PRDM16: variants seen among roughly 807,000 people sequenced by gnomAD.
The protein encoded by PRDM16 is histone-lysine N-methyltransferase PRDM16.
In PRDM16, 23 loss-of-function variants were observed where a neutral mutation model predicts 110.6. The observed-to-expected ratio is 0.21, with a 90% CI of 0.15 to 0.29. The LOEUF (loss-of-function observed/expected upper bound fraction) is 0.29, where lower values mean the gene tolerates loss of function less well. PRDM16 is among the 10% of genes least tolerant of loss of function. The pLI is 1.00. For missense variants in PRDM16, 1,615 were observed against 1,794.3 expected, an observed-to-expected ratio of 0.90 and a Z score of 1.81; for synonymous variants, 799 against 781.8, an observed-to-expected ratio of 1.02 and a Z score of -0.37.
intron 6 of PRDM16, 100 bp from the exon 7 acceptor site, chr1:3,404,639 G>A (rs1557655927): frequency 7.0e-7 from 1 of 1,425,162 alleles, no homozygotes; most frequent in East Asian, 2.4e-5. Context: ...GCGTGGTGGG[G>A]GCTCCGAAGG....
At chr1:3,431,555 A>G (rs1473013457) in intron 15 of PRDM16, among the ~76,000 whole-genome samples, 3 of 152,210 alleles carry the variant, frequency 2.0e-5, no homozygotes, top group Admixed American at 6.5e-5. Context: ...CACTGCCAGC[A>G]TTCCCAGATG....
chr1:3,205,026 C>T (rs972417506), intron 2 of PRDM16, among the ~76,000 whole-genome samples: 4 of 152,000 alleles, frequency 2.6e-5, no homozygotes, highest in Non-Finnish European at 5.9e-5. Context: ...AACGCAGGCC[C>T]GGGTATAATG....
rs1039462754 is a variant in PRDM16, at chr1:3,340,597, C to T, written c.439-44555C>T. 8.5e-5 allele frequency among the ~76,000 whole-genome samples: 13 copies of T among 152,294 alleles called. 1 individual carries two copies. The East Asian group carries it at 2.5e-3, about 29-fold the overall frequency. On this transcript the variant is annotated intron_variant, in intron 3 of 16. Transcript: ENST00000270722. ...CCACTCTGAGTCTGTCCCTTCTACG[C>T]GTGTCTGTGTCTTCAGGAAATAGAG...
At chr1:3,256,646 C>T (rs1241950762) in intron 3 of PRDM16, among the ~76,000 whole-genome samples, 1 of 152,138 alleles carries the variant, frequency 6.6e-6, no homozygotes, top group African/African-American at 2.4e-5. Flanking sequence ...ATCATGAGGT[C>T]AGGAGATCAA....
At chr1:3,286,540 C>T (rs985024912) in intron 3 of PRDM16, among the ~76,000 whole-genome samples, 2 of 152,178 alleles carry the variant, frequency 1.3e-5, no homozygotes, top group Non-Finnish European at 2.9e-5. Flanking sequence ...CCTGCAGCCT[C>T]CTGAATTGAC....
chr1:3,389,127 C>G (rs538371334), intron 4 of PRDM16, among the ~76,000 whole-genome samples: 79 of 152,300 alleles, frequency 5.2e-4, no homozygotes, highest in Non-Finnish European at 8.7e-4. Flanking sequence ...AAAAGAGGAC[C>G]GGCCATGTGC....
At chr1:3,180,336 A>G (rs1644135444) in intron 1 of PRDM16, among the ~76,000 whole-genome samples, 1 of 152,020 alleles carries the variant, frequency 6.6e-6, no homozygotes, top group Non-Finnish European at 1.5e-5. Flanking sequence ...TGGAGTGAGG[A>G]ACCGTAGATT....
At chr1:3,186,644 T>C (rs1329402014) in intron 2 of PRDM16, 170 bp downstream of exon 2, 3 of 556,336 alleles carry the variant, frequency 5.4e-6, no homozygotes, top group African/African-American at 1.9e-5. Context: ...CTGATGCGAC[T>C]CAGAAAGCAT....
intron 1 of PRDM16, among the ~76,000 whole-genome samples, chr1:3,185,288 C>A (rs1001778559): frequency 2.6e-5 from 4 of 152,172 alleles, no homozygotes; most frequent in African/African-American, 7.2e-5. Flanking sequence ...GACAGAAAAA[C>A]TGGGCACTCT....
chr1:3,416,554 T>C (rs1015809978), intron 10 of PRDM16, among the ~76,000 whole-genome samples: 1 of 152,288 alleles, frequency 6.6e-6, no homozygotes, highest in Admixed American at 6.5e-5. Context: ...ACCGGCACCC[T>C]GGCCAGTTCC....
intron 2 of PRDM16, among the ~76,000 whole-genome samples, chr1:3,210,777 G>A (rs886628517): frequency 1.3e-5 from 2 of 152,222 alleles, no homozygotes; most frequent in Non-Finnish European, 2.9e-5. Flanking sequence ...TCCATTCATA[G>A]ATATGCATTT....
At chr1:3,176,264 GTCCATCCATCCA>G (rs1224462324) in intron 1 of PRDM16, among the ~76,000 whole-genome samples, 1 of 147,654 alleles carries the variant, frequency 6.8e-6, no homozygotes, top group Admixed American at 6.7e-5. Flanking sequence ...TCCACCATCT[GTCCATCCATCCA>G]TCCATCCATC....
intron 1 of PRDM16, among the ~76,000 whole-genome samples, chr1:3,114,410 G>A (rs913119552): frequency 9.7e-5 from 11 of 113,170 alleles, no homozygotes; most frequent in East Asian, 2.9e-4. Flanking sequence ...GCACACACAC[G>A]CACACACATG....
At chr1:3,298,218 G>A (rs1641131720) in intron 3 of PRDM16, among the ~76,000 whole-genome samples, 1 of 152,228 alleles carries the variant, frequency 6.6e-6, no homozygotes, top group Non-Finnish European at 1.5e-5. Context: ...GACCCTGAGT[G>A]TGCAGGGGAC....
intron 3 of PRDM16, among the ~76,000 whole-genome samples, chr1:3,377,782 C>T (rs1041206998): frequency 6.6e-6 from 1 of 152,196 alleles, no homozygotes; most frequent in Admixed American, 6.5e-5. Context: ...GGCTGGGCCG[C>T]TCCTTCCCTC....
chr1:3,381,638 G>A (rs956966301), intron 3 of PRDM16, among the ~76,000 whole-genome samples: 21 of 152,044 alleles, frequency 1.4e-4, no homozygotes, highest in South Asian at 1.0e-3. Flanking sequence ...TGATCCACCC[G>A]CCTCACTCTC....
chr1:3,144,034 C>T (rs569632247), intron 1 of PRDM16, among the ~76,000 whole-genome samples: 1 of 152,324 alleles, frequency 6.6e-6, no homozygotes, highest in Non-Finnish European at 1.5e-5. Context: ...TCTCGCCGCC[C>T]ACTTCATTTC....
chr1:3,380,014 G>A lies in PRDM16; in HGVS notation c.439-5138G>A, dbSNP rs1643074049. Among the ~76,000 whole-genome samples, 5 of 97,452 alleles carry A rather than the reference G, an allele frequency of 5.1e-5. No homozygotes were observed. The South Asian group carries it at 2.1e-3, about 42-fold the overall frequency. The allele number at this position is 97,452 out of a possible 152,430, so 63.9% of individuals were successfully genotyped here. A position where few individuals can be genotyped will look rare whatever the true frequency, so the allele number is the denominator to read the frequency against. ...CAGCCCTCCCAGCACACCCCTCCCA[G>A]TGCAATCCCTCACCATGCACCCCTC... On this transcript the variant is annotated intron_variant, in intron 3 of 16. Coordinates refer to ENST00000270722, the MANE Select transcript of PRDM16 (RefSeq NM_022114.4).
chr1:3,293,416 G>T (rs1339995064), intron 3 of PRDM16, among the ~76,000 whole-genome samples: 2 of 152,196 alleles, frequency 1.3e-5, no homozygotes, highest in Non-Finnish European at 2.9e-5. Context: ...GGTAAAGGTT[G>T]TATTGCTATC....
Sources: gnomAD v4.1 joint callset for allele counts (sites outside exome capture counted in the v4.1 genomes callset) on GRCh38, gnomAD v4.1.1 for gene constraint, MANE v1.5 for transcripts, NCBI Gene and HGNC (gene_info 2026-07-23, HGNC 2026-07-21) for gene names.